Variants in BSN observed in about 807,000 individuals in gnomAD.
The protein encoded by BSN is protein bassoon.
BSN carries 57 observed loss-of-function variants against 264.8 expected under a neutral mutation model. The ratio of observed to expected loss-of-function variants is 0.22; its 90% CI spans 0.17 to 0.27. BSN has a LOEUF of 0.27. BSN is among the 10% of genes least tolerant of loss of function. BSN has a pLI of 1.00. For missense variants in BSN, 4,615 were observed against 5,232.5 expected, an observed-to-expected ratio of 0.88 and a Z score of 3.64; for synonymous variants, 2,059 against 2,137.3, an observed-to-expected ratio of 0.96 and a Z score of 1.01.
intron 1 of BSN, among the ~76,000 whole-genome samples, chr3:49,562,200 G>C (rs1363088773): frequency 6.6e-6 from 1 of 152,078 alleles, no homozygotes; most frequent in Non-Finnish European, 1.5e-5. Context: ...ACACTTTTTT[G>C]TGTATGGGAG....
intron 2 of BSN, among the ~76,000 whole-genome samples, chr3:49,627,299 G>A (rs2108059722): frequency 6.6e-6 from 1 of 152,298 alleles, no homozygotes; most frequent in Non-Finnish European, 1.5e-5. Context: ...CCCAGTTTGG[G>A]AATTGCTGAC....
chr3:49,641,795 T>TA (rs1471711580), intron 2 of BSN: 1 of 154,556 alleles, frequency 6.5e-6, no homozygotes, highest in East Asian at 1.9e-4. Flanking sequence ...TGTGAGTTTT[T>TA]ACTGAATACC....
chr3:49,571,994 C>G (rs749486571), intron 1 of BSN, among the ~76,000 whole-genome samples: 1 of 152,150 alleles, frequency 6.6e-6, no homozygotes, highest in Non-Finnish European at 1.5e-5. Flanking sequence ...ATTCAACAAG[C>G]ATTTAGCCCC....
At chr3:49,666,992 A>AG (rs2052717919) in intron 11 of BSN, among the ~76,000 whole-genome samples, 3 of 152,126 alleles carry the variant, frequency 2.0e-5, no homozygotes, top group Non-Finnish European at 4.4e-5. Context: ...TGGGGGAAGG[A>AG]GGGACAGCCC....
At position 49,654,853 on chromosome 3, in the gene BSN, G is replaced by T. The variant is rs1376809229; in HGVS notation, c.5297G>T (p.Gly1766Val). ...QSRLDFGQGG[G>V]SPVCLAQVKQ... ...CGCCTTGACTTTGGCCAGGGTGGGG[G>T]TAGCCCTGTGTGCCTGGCCCAGGTC... Residue 1766 changes from glycine to valine, a missense_variant, in exon 5 of 12, where the codon GGT becomes GTT. Gly to Val is a moderately radical substitution (Grantham distance 109, BLOSUM62 -3). Around this residue, in one of 3 missense-constraint regions of BSN, gnomAD observed 3,415 missense variants for 3,866.4 expected, o/e 0.88. Coordinates refer to ENST00000296452, the MANE Select transcript of BSN (RefSeq NM_003458.4). The surrounding 1 kb of genome is among the most constrained non-coding windows in gnomAD (Gnocchi z 4.1). The T allele has an allele frequency of 1.2e-6, 2 of 1,613,484 alleles. No individual in the cohort carries two copies. Among genetic ancestry groups the T allele is most frequent in the East Asian group, 4.5e-5 (2 of 44,886 alleles).
chr3:49,642,792 C>T lies in BSN; in HGVS notation c.1158C>T (p.Ile386=), dbSNP rs71324983. 1.8e-3 allele frequency: 2,942 copies of T among 1,613,370 alleles called. 5 individuals are homozygous for T. The highest frequency in any genetic ancestry group is 2.1e-3 in the Non-Finnish European group (2,457 of 1,179,936). ...CCCCCAGCAAGGGGACACCTAAGAT[C>T]GTCTTCAATGATGCCAGCAAGGAGG... ...QPAPSKGTPK[I]VFNDASKEAG... The change falls in exon 3 of 12, where the codon ATC becomes ATT. Residue 386 remains isoleucine, a synonymous_variant. Transcript: ENST00000296452. This position sits in a 1 kb window ranked among gnomAD's most constrained non-coding sequence, Gnocchi z 7.0.
At chr3:49,563,182 CT>C (rs1343433187) in intron 1 of BSN, among the ~76,000 whole-genome samples, 1 of 152,222 alleles carries the variant, frequency 6.6e-6, no homozygotes, top group Non-Finnish European at 1.5e-5. Flanking sequence ...GACAAGATGA[CT>C]GCACATTCAA....
chr3:49,598,172 A>G (rs1177867394), intron 1 of BSN, among the ~76,000 whole-genome samples: 1 of 152,210 alleles, frequency 6.6e-6, no homozygotes, highest in African/African-American at 2.4e-5. Flanking sequence ...CTGTGTATGA[A>G]TGGGTTACAC....
At chr3:49,640,041 C>CGA (rs199664108) in intron 2 of BSN, among the ~76,000 whole-genome samples, 15 of 48,690 alleles carry the variant, frequency 3.1e-4, no homozygotes, top group African/African-American at 7.5e-4. Context: ...AGGGCTGGAG[C>CGA]CACGTGTGGG....
At chr3:49,627,646 A>G (rs781608626) in intron 2 of BSN, among the ~76,000 whole-genome samples, 2 of 152,134 alleles carry the variant, frequency 1.3e-5, no homozygotes, top group Non-Finnish European at 2.9e-5. Flanking sequence ...TCAGTCAAGA[A>G]GGCTGGGATT....
At position 49,653,470 on chromosome 3, in the gene BSN, G is replaced by A. The variant is rs1377475058; in HGVS notation, c.3914G>A (p.Gly1305Asp). 4 of 1,613,962 alleles carry A rather than the reference G, an allele frequency of 2.5e-6. No homozygotes were observed. Among genetic ancestry groups the A allele is most frequent in the Admixed American group, 3.3e-5 (2 of 60,014 alleles). The change falls in exon 5 of 12, where the codon GGT becomes GAT. Residue 1305 changes from glycine (G) to aspartate (D), a missense_variant. Around this residue, in one of 3 missense-constraint regions of BSN, gnomAD observed 3,415 missense variants for 3,866.4 expected, o/e 0.88. Coordinates refer to ENST00000296452, the MANE Select transcript of BSN (RefSeq NM_003458.4). The surrounding 1 kb of genome is among the most constrained non-coding windows in gnomAD (Gnocchi z 6.3). ...TACATGGACCCAATGAAGCAAAATG[G>A]TGGCCCCCTTACCCCTGGTACCAGT... is the stretch of plus-strand genomic sequence containing the variant. ...SAYMDPMKQN[G>D]GPLTPGTSPT...
intron 1 of BSN, among the ~76,000 whole-genome samples, chr3:49,591,968 G>C (rs1243712682): frequency 6.6e-6 from 1 of 152,036 alleles, no homozygotes; most frequent in Non-Finnish European, 1.5e-5. Context: ...GCCAAAGACA[G>C]AGTAATATTA....
At chr3:49,666,251 C>T (rs1046172132) in intron 11 of BSN, among the ~76,000 whole-genome samples, 1 of 152,202 alleles carries the variant, frequency 6.6e-6, no homozygotes, top group Non-Finnish European at 1.5e-5. Flanking sequence ...ATGCTGGGCC[C>T]GGGCCAGCAC....
intron 1 of BSN, among the ~76,000 whole-genome samples, chr3:49,600,600 T>C (rs1453410055): frequency 6.6e-6 from 1 of 152,054 alleles, no homozygotes; most frequent in Non-Finnish European, 1.5e-5. Flanking sequence ...GGGACCAGCA[T>C]AGGCAACACA....
intron 1 of BSN, among the ~76,000 whole-genome samples, chr3:49,624,731 T>A (rs1003279968): frequency 6.6e-6 from 1 of 152,164 alleles, no homozygotes; most frequent in Non-Finnish European, 1.5e-5. Context: ...TCAGAGTCTG[T>A]ACTTTATCAG....
In BSN at chr3:49,656,929, T is replaced by TGCAGCAGCAGCTGCAGCAGCA. The variant is rs775637787; in HGVS notation, c.7376_7396dup (p.Gln2459_Gln2465dup). The TGCAGCAGCAGCTGCAGCAGCA allele has an allele frequency of 6.3e-6, 10 of 1,598,324 alleles. No individual in the cohort carries two copies. The highest frequency in any genetic ancestry group is 8.5e-6 in the Non-Finnish European group (10 of 1,171,292). ...CTGCAGCTGGAGCAGATCCAGCAGC[T>TGCAGCAGCAGCTGCAGCAGCA]GCAGCAGCAGCTGCAGCAGCAGCTA... is the stretch of plus-strand genomic sequence containing the variant. On this transcript the variant is annotated inframe_insertion, in exon 5 of 12. Coordinates refer to ENST00000296452, the MANE Select transcript of BSN (RefSeq NM_003458.4).
At position 49,664,419 on chromosome 3, in the gene BSN, C is replaced by T; in HGVS notation, c.11609-4C>T. On this transcript the variant is annotated splice_polypyrimidine_tract_variant and splice_region_variant and intron_variant, in intron 8 of 11. Transcript: ENST00000296452. Reference sequence around the variant, plus strand: ...GCTCATTATGGCGATTTCTTTCCTCCTAGGTGTGAAGGCTGGAGCCAGGCC... The same window carrying T: ...GCTCATTATGGCGATTTCTTTCCTCTTAGGTGTGAAGGCTGGAGCCAGGCC... 5.0e-6 allele frequency: 8 copies of T among 1,613,736 alleles called. 1 individual carries two copies. In the South Asian group the frequency reaches 8.8e-5, roughly 18 times the overall value.
intron 1 of BSN, among the ~76,000 whole-genome samples, chr3:49,598,684 G>T (rs1447843900): frequency 1.3e-5 from 2 of 152,120 alleles, no homozygotes; most frequent in Non-Finnish European, 2.9e-5. Context: ...TGGGATTACA[G>T]GCATGAGCCA....
At position 49,657,666 on chromosome 3, in the gene BSN, A is replaced by G. The variant is rs776131722; in HGVS notation, c.8110A>G (p.Ile2704Val). 21 of 1,576,058 alleles carry G rather than the reference A, an allele frequency of 1.3e-5. No individual in the cohort carries two copies. Among genetic ancestry groups the G allele is most frequent in the African/African-American group, 5.4e-5 (4 of 74,268 alleles). Residue 2704 changes from isoleucine (I) to valine (V), a missense_variant, in exon 5 of 12, where the codon ATA (isoleucine) becomes GTA (valine). By Grantham distance (29) the Ile-to-Val change is conservative. Around this residue, in one of 3 missense-constraint regions of BSN, gnomAD observed 3,415 missense variants for 3,866.4 expected, o/e 0.88. Transcript: ENST00000296452. ...TDPKVEIVRY[I>V]SAPEKTGRGE... Reference sequence around the variant, plus strand: ...TCCCAAGGTGGAGATCGTCAGGTACATATCGGCGCCAGAGAAGACTGGGCG... The same window carrying G: ...TCCCAAGGTGGAGATCGTCAGGTACGTATCGGCGCCAGAGAAGACTGGGCG...
Sources: allele counts gnomAD v4.1 joint callset (sites outside exome capture counted in the v4.1 genomes callset), GRCh38; gene constraint gnomAD v4.1.1; regional missense constraint gnomAD v4.1.1; non-coding constraint Gnocchi (gnomAD v3.1); transcripts MANE v1.5; gene names NCBI Gene and HGNC (gene_info 2026-07-23, HGNC 2026-07-21).